Variants in SIL1 observed in about 807,000 individuals in gnomAD.
SIL1 encodes nucleotide exchange factor SIL1.
A neutral mutation model predicts 49.1 loss-of-function variants in SIL1; 40 were observed. That is an observed-to-expected ratio of 0.81 (90% CI 0.63 to 1.06). SIL1 has a LOEUF of 1.06. Among genes scored for constraint, SIL1 ranks in the 50% least tolerant of loss-of-function variants. The pLI, the probability that SIL1 is intolerant of heterozygous loss-of-function variation, is 0.00. For synonymous variants in SIL1, 253 were observed against 250.8 expected, an observed-to-expected ratio of 1.01 and a Z score of -0.08; for missense variants, 500 against 572.6, an observed-to-expected ratio of 0.87 and a Z score of 1.29.
At chr5:139,149,210 C>T (rs1231326770) in intron 1 of SIL1, among the ~76,000 whole-genome samples, 1 of 152,162 alleles carries the variant, frequency 6.6e-6, no homozygotes, top group Non-Finnish European at 1.5e-5. Context: ...CCATTTCAAC[C>T]CCAGGTGAGC....
At chr5:139,089,792 T>C (rs1439772013) in intron 3 of SIL1, among the ~76,000 whole-genome samples, 1 of 152,186 alleles carries the variant, frequency 6.6e-6, no homozygotes, top group Non-Finnish European at 1.5e-5. Flanking sequence ...GGTTGTCAGA[T>C]GTTAGAGGAT....
chr5:139,123,405 T>C (rs1750687888), intron 2 of SIL1, among the ~76,000 whole-genome samples: 1 of 152,130 alleles, frequency 6.6e-6, no homozygotes, highest in African/African-American at 2.4e-5. Context: ...CAGGGCTTAG[T>C]TTGAAGCTGC....
chr5:139,176,476 C>T (rs895584838), intron 1 of SIL1, among the ~76,000 whole-genome samples: 12 of 152,146 alleles, frequency 7.9e-5, no homozygotes, highest in African/African-American at 2.9e-4. Flanking sequence ...CTTCTCAGAA[C>T]CAATTTCTAT....
At chr5:139,039,688 T>C (rs901494310) in intron 5 of SIL1, among the ~76,000 whole-genome samples, 1 of 152,230 alleles carries the variant, frequency 6.6e-6, no homozygotes, top group Non-Finnish European at 1.5e-5. Flanking sequence ...GTCCAGGGTT[T>C]TTAGTTACCC....
chr5:139,058,948 G>A (rs1769520365), intron 3 of SIL1, among the ~76,000 whole-genome samples: 1 of 132,036 alleles, frequency 7.6e-6, no homozygotes, highest in South Asian at 2.4e-4. Context: ...AGCCCTCTCA[G>A]TAGGCGGAGC....
chr5:139,008,205 G>A (rs971800882), intron 7 of SIL1, among the ~76,000 whole-genome samples: 15 of 151,548 alleles, frequency 9.9e-5, no homozygotes, highest in African/African-American at 1.5e-4. Context: ...TGTATGTGTC[G>A]AGGAATTTAT....
intron 1 of SIL1, among the ~76,000 whole-genome samples, chr5:139,197,139 A>T (rs1470031445): frequency 1.3e-5 from 2 of 152,026 alleles, no homozygotes; most frequent in African/African-American, 4.8e-5. Context: ...ACGATGGCGC[A>T]TGCCTGTAAT....
intron 1 of SIL1, among the ~76,000 whole-genome samples, chr5:139,147,507 A>AACC (rs1751216044): frequency 6.6e-6 from 1 of 152,232 alleles, no homozygotes; most frequent in South Asian, 2.1e-4. Flanking sequence ...GCCTCATCCC[A>AACC]ACCCTGATTG....
intron 7 of SIL1, among the ~76,000 whole-genome samples, chr5:138,998,387 C>T (rs1385422361): frequency 2.0e-5 from 3 of 152,016 alleles, no homozygotes; most frequent in African/African-American, 4.8e-5. Flanking sequence ...ACACTGGTCT[C>T]GAACTCTCAG....
At chr5:139,136,517 G>A (rs1259602103) in intron 1 of SIL1, among the ~76,000 whole-genome samples, 4 of 152,176 alleles carry the variant, frequency 2.6e-5, no homozygotes, top group African/African-American at 9.7e-5. Context: ...GGAAAAGGGA[G>A]CAAGCAAGGA....
At chr5:138,979,807 T>C (rs1767477023) in intron 7 of SIL1, among the ~76,000 whole-genome samples, 1 of 152,192 alleles carries the variant, frequency 6.6e-6, no homozygotes, top group Admixed American at 6.5e-5. Flanking sequence ...CTAGAGGAGC[T>C]GTAAAGAGTG....
intron 1 of SIL1, among the ~76,000 whole-genome samples, chr5:139,185,108 T>C (rs962130086): frequency 6.6e-6 from 1 of 152,188 alleles, no homozygotes; most frequent in Non-Finnish European, 1.5e-5. Context: ...ATTCTCCCCA[T>C]GTCTGTGTGG....
At chr5:139,054,889 C>T (rs754401697) in intron 3 of SIL1, among the ~76,000 whole-genome samples, 2 of 152,142 alleles carry the variant, frequency 1.3e-5, no homozygotes, top group African/African-American at 2.4e-5. Context: ...GCAAAAGCAA[C>T]AGGAAATGCA....
At chr5:139,056,439 C>T (rs1769426235) in intron 3 of SIL1, among the ~76,000 whole-genome samples, 2 of 151,500 alleles carry the variant, frequency 1.3e-5, no homozygotes, top group South Asian at 4.2e-4. Flanking sequence ...GCCCGGCAGC[C>T]ACCCCGTCTG....
Position 139,127,762 on chromosome 5 carries a change from A to G in SIL1, c.82T>C (p.Phe28Leu), listed in dbSNP as rs765249454. The change falls in exon 2 of 10, where the codon TTC (phenylalanine) becomes CTC (leucine). Residue 28 changes from phenylalanine (F) to leucine (L), a missense_variant. Coordinates refer to ENST00000394817, the MANE Select transcript of SIL1 (RefSeq NM_022464.5). ...LGLLMAACFT[F>L]CLSHQNLKEF... ...ACCAGGTTCTGATGACTGAGGCAGAAGGTGAAGCAGGCGGCCATCAGCAGC... is the reference window on the plus strand; with the variant it reads ...ACCAGGTTCTGATGACTGAGGCAGAGGGTGAAGCAGGCGGCCATCAGCAGC... The G allele has an allele frequency of 1.2e-6, 2 of 1,610,934 alleles. No individual in the cohort carries two copies. Among genetic ancestry groups the G allele is most frequent in the Non-Finnish European group, 1.7e-6 (2 of 1,179,458 alleles).
chr5:139,023,563 C>A (rs1225490141), intron 6 of SIL1, among the ~76,000 whole-genome samples: 1 of 152,220 alleles, frequency 6.6e-6, no homozygotes, highest in Admixed American at 6.5e-5. Flanking sequence ...CCATCTGTTT[C>A]CACACACAAG....
intron 3 of SIL1, among the ~76,000 whole-genome samples, chr5:139,077,386 A>G (rs1474638531): frequency 6.6e-6 from 1 of 152,142 alleles, no homozygotes; most frequent in Non-Finnish European, 1.5e-5. Context: ...TTTCCCCTAC[A>G]TTTCTACTAT....
intron 3 of SIL1, among the ~76,000 whole-genome samples, chr5:139,075,459 C>T (rs575421874): frequency 2.6e-5 from 4 of 152,216 alleles, no homozygotes; most frequent in African/African-American, 9.6e-5. Flanking sequence ...GAAAATGATA[C>T]GTGTGCCTAG....
chr5:139,025,414 A>G (rs1380533198), intron 6 of SIL1, among the ~76,000 whole-genome samples: 1 of 152,118 alleles, frequency 6.6e-6, no homozygotes, highest in Non-Finnish European at 1.5e-5. Flanking sequence ...ATAAAATGGG[A>G]TTAATAGTGG....
Sources: gnomAD v4.1 joint callset for allele counts (sites outside exome capture counted in the v4.1 genomes callset) on GRCh38, gnomAD v4.1.1 for gene constraint, MANE v1.5 for transcripts, NCBI Gene and HGNC (gene_info 2026-07-23, HGNC 2026-07-21) for gene names.